The following EML5 variants were observed in gnomAD, a reference collection of about 807,000 sequenced individuals.
EML5 encodes the protein EMAP like 5.
Under a neutral mutation model 250.0 loss-of-function variants are expected in EML5, and 120 were observed. That is an observed-to-expected ratio of 0.48 (90% confidence interval 0.41 to 0.56). EML5 has a LOEUF of 0.56. EML5 is among the 20% of genes least tolerant of loss of function. The pLI, the probability that EML5 is intolerant of heterozygous loss-of-function variation, is 0.00. For synonymous variants in EML5, 771 were observed against 806.5 expected (o/e 0.96, Z 0.75); for missense variants, 2,006 against 2,437.6 (o/e 0.82, Z 3.73).
chr14:88,755,839 AT>A (rs1025342701), intron 1 of EML5, among the ~76,000 whole-genome samples: 2 of 152,028 alleles, frequency 1.3e-5, no homozygotes, highest in African/African-American at 4.8e-5. Flanking sequence ...CAAAAAAAAA[AT>A]TTTTTTTAAT....
rs1047492637 is a variant in EML5, at chr14:88,644,306, T to C, written c.4107+127A>G. The stretch of plus-strand genomic sequence containing the variant: ...TCCAAAACTCAGACTTACATAAGAA[T>C]TAAGTCAAACAAAAAACAGTACTCA... On this transcript the variant is annotated intron_variant, in intron 30 of 43. Coordinates refer to ENST00000554922, the MANE Select transcript of EML5 (RefSeq NM_183387.3). 1.2e-5 allele frequency: 9 copies of C among 759,850 alleles called. No individual in the cohort carries two copies. In the South Asian group the frequency reaches 1.6e-4, roughly 13 times the overall value. 47.1% of individuals were successfully genotyped at this position (759,850 alleles called of 1,614,324 possible).
chr14:88,639,488 C>T (rs1193087333), intron 31 of EML5, among the ~76,000 whole-genome samples: 2 of 152,168 alleles, frequency 1.3e-5, no homozygotes, highest in African/African-American at 2.4e-5. Context: ...CAGAGTCACA[C>T]AGAAACCAGT....
chr14:88,773,731 A>G (rs1595855954), intron 1 of EML5, among the ~76,000 whole-genome samples: 1 of 152,212 alleles, frequency 6.6e-6, no homozygotes, highest in East Asian at 1.9e-4. Flanking sequence ...TTTTCTTTTA[A>G]CTTTCTATTA....
chr14:88,670,579 G>A lies in EML5; in HGVS notation c.3125-5090C>T, dbSNP rs113989318. On this transcript the variant is annotated intron_variant, in intron 21 of 43. Transcript: ENST00000554922. The stretch of plus-strand genomic sequence containing the variant: ...GGGCAAAGGCTGAGATGGATGAATT[G>A]ACAGAAGTAGGCTTCAGAAGGTGGG... 4.6e-3 allele frequency among the ~76,000 whole-genome samples: 697 copies of A among 152,236 alleles called. 3 individuals carry two copies. Among genetic ancestry groups the A allele is most frequent in the African/African-American group, 0.015 (642 of 41,544 alleles).
chr14:88,691,296 G>T (rs1326457452), intron 17 of EML5, among the ~76,000 whole-genome samples: 1 of 152,154 alleles, frequency 6.6e-6, no homozygotes, highest in Non-Finnish European at 1.5e-5. Context: ...AATGGCAACT[G>T]GGTGCAAACA....
At chr14:88,717,292 G>A (rs1469463867) in intron 8 of EML5, among the ~76,000 whole-genome samples, 1 of 152,152 alleles carries the variant, frequency 6.6e-6, no homozygotes, top group Non-Finnish European at 1.5e-5. Flanking sequence ...AGCTTGTGAC[G>A]GCCACTGTAG....
At chr14:88,646,576 G>A (rs1421087516) in intron 29 of EML5, among the ~76,000 whole-genome samples, 1 of 151,456 alleles carries the variant, frequency 6.6e-6, no homozygotes, top group African/African-American at 2.4e-5. Flanking sequence ...ACAATAAACA[G>A]GTAATTTTTA....
chr14:88,760,030 A>G (rs2094216606), intron 1 of EML5, among the ~76,000 whole-genome samples: 1 of 152,132 alleles, frequency 6.6e-6, no homozygotes, highest in African/African-American at 2.4e-5. Context: ...GGTTGCCTTT[A>G]TATTTTTGAG....
chr14:88,752,171 A>G (rs1170642423), intron 2 of EML5, among the ~76,000 whole-genome samples: 1 of 152,212 alleles, frequency 6.6e-6, no homozygotes, highest in Non-Finnish European at 1.5e-5. Flanking sequence ...TTCAACTAGT[A>G]AAAGCTATGG....
rs371341490 is a variant in EML5 at position 88,696,859 on chromosome 14, C to T, written c.2332G>A (p.Val778Ile). 5.9e-5 allele frequency: 95 copies of T among 1,602,070 alleles called. No homozygotes were observed. The highest frequency in any genetic ancestry group is 1.2e-4 in the African/African-American group (9 of 74,354). The stretch of plus-strand genomic sequence containing the variant: ...CAAACAGCCTTACCTGAGAAATCAA[C>T]GGCACTAACACCATACTGGTGGTGG... ...KGHHQYGVSA[V>I]DFSADGKRLA... Residue 778 changes from valine (V) to isoleucine (I), a missense_variant, in exon 15 of 44, where the codon GTT becomes ATT. Physicochemically the swap from Val to Ile is conservative, Grantham distance 29. This residue lies in a region of EML5 where 1,375 missense variants were observed against 1,590.3 expected (regional missense o/e 0.86). Transcript: ENST00000554922.
Position 88,738,965 on chromosome 14 carries a change from C to A in EML5, c.761G>T (p.Gly254Val). 6.2e-7 allele frequency: 1 copy of A among 1,608,854 alleles called. No homozygotes were observed. Among genetic ancestry groups the A allele is most frequent in the Non-Finnish European group, 8.5e-7 (1 of 1,177,856 alleles). The change falls in exon 6 of 44, where the codon GGC becomes GTC. Residue 254 changes from glycine to valine, a missense_variant. Physicochemically the swap from Gly to Val is moderately radical, Grantham distance 109. Transcript: ENST00000554922. ...NACEEGFATG[G>V]RDGCIRLWDL... ...CCAAAGACGAATACAACCATCTCTG[C>A]CACCAGTAGCAAAGCCTTCTTCACA...
At chr14:88,780,112 C>T (rs1017460246) in intron 1 of EML5, among the ~76,000 whole-genome samples, 5 of 152,054 alleles carry the variant, frequency 3.3e-5, no homozygotes, top group African/African-American at 1.2e-4. Context: ...CCACCACATC[C>T]AGCTAATTTT....
At chr14:88,764,770 TTTTCAC>T (rs2094297885) in intron 1 of EML5, among the ~76,000 whole-genome samples, 1 of 152,236 alleles carries the variant, frequency 6.6e-6, no homozygotes, top group Non-Finnish European at 1.5e-5. Flanking sequence ...ATATGTTGTA[TTTTCAC>T]TTTCTTCTTC....
intron 28 of EML5, among the ~76,000 whole-genome samples, chr14:88,647,158 C>T (rs914093483): frequency 6.6e-6 from 1 of 151,972 alleles, no homozygotes; most frequent in Non-Finnish European, 1.5e-5. Flanking sequence ...GTCAGGAGTT[C>T]GAGACCAGCC....
chr14:88,649,558 A>G (rs1375609919), intron 28 of EML5, among the ~76,000 whole-genome samples: 1 of 152,240 alleles, frequency 6.6e-6, no homozygotes, highest in African/African-American at 2.4e-5. Context: ...ACATGCATTA[A>G]ATCATGTTAA....
At chr14:88,696,998 T>A (rs1467661581) in intron 14 of EML5, 46 bp from the exon 15 acceptor site, 2 of 1,217,800 alleles carry the variant, frequency 1.6e-6, no homozygotes, top group Non-Finnish European at 2.2e-6. Context: ...AAATTATTTA[T>A]TTCCATATCT....
intron 25 of EML5, among the ~76,000 whole-genome samples, chr14:88,659,519 T>C (rs2092000322): frequency 6.6e-6 from 1 of 152,198 alleles, no homozygotes; most frequent in African/African-American, 2.4e-5. Context: ...GCAGGAATGA[T>C]GACTCTTAAT....
At chr14:88,648,765 C>A (rs768832037) in intron 28 of EML5, among the ~76,000 whole-genome samples, 1 of 152,086 alleles carries the variant, frequency 6.6e-6, no homozygotes, top group Non-Finnish European at 1.5e-5. Flanking sequence ...GAGATCAGTA[C>A]TGAGTAAGCT....
intron 14 of EML5, among the ~76,000 whole-genome samples, chr14:88,700,960 T>C (rs2093196475): frequency 1.3e-5 from 2 of 152,116 alleles, no homozygotes; most frequent in Non-Finnish European, 2.9e-5. Context: ...AGCTGGGTTT[T>C]TTTTTGCCCT....
Sources: gnomAD v4.1 joint callset for allele counts (sites outside exome capture counted in the v4.1 genomes callset) on GRCh38, gnomAD v4.1.1 for gene constraint, gnomAD v4.1.1 regional missense constraint, MANE v1.5 for transcripts, NCBI Gene and HGNC (gene_info 2026-07-23, HGNC 2026-07-21) for gene names.